CD1D: variants seen among roughly 807,000 people sequenced by gnomAD.
CD1D encodes CD1d molecule, also known as antigen-presenting glycoprotein CD1d.
A neutral mutation model predicts 42.1 loss-of-function variants in CD1D; 40 were observed. The observed-to-expected ratio is 0.95, with a 90% CI of 0.74 to 1.24. The LOEUF (loss-of-function observed/expected upper bound fraction) is 1.24. Ranked by LOEUF, CD1D falls within the 50% of genes most tolerant of loss-of-function variation. CD1D has a pLI of 0.00. For missense variants in CD1D, 437 were observed against 416.5 expected, an observed-to-expected ratio of 1.05 and a Z score of -0.43; for synonymous variants, 178 against 171.8, an observed-to-expected ratio of 1.04 and a Z score of -0.28.
chr1:158,179,577 A>G (rs1006293612), upstream of CD1D, among the ~76,000 whole-genome samples: 16 of 152,214 alleles, frequency 1.1e-4, no homozygotes, highest in Non-Finnish European at 2.4e-4. Flanking sequence ...ACATGCTGAG[A>G]GGATGGCTTC....
rs1391043535 is a variant in CD1D, at chr1:158,184,362, C to T, written c.*212C>T. The T allele has an allele frequency of 6.6e-6, 4 of 602,364 alleles. No individual in the cohort carries two copies. The highest frequency in any genetic ancestry group is 1.2e-5 in the Non-Finnish European group (4 of 342,716). The allele number at this position is 602,364 out of a possible 1,614,324, so 37.3% of individuals were successfully genotyped here. On this transcript the variant is annotated 3_prime_UTR_variant, in exon 6 of 6. Transcript: ENST00000674085. ...TTTAAATTCTTTTTCAAAAATTACA[C>T]TACAAGTTTATAAGCCCAAATGGCT...
chr1:158,183,309 C>A (rs1485346199), intron 4 of CD1D, among the ~76,000 whole-genome samples, 153 bp downstream of exon 4: 1 of 151,212 alleles, frequency 6.6e-6, no homozygotes, highest in East Asian at 2.0e-4. Context: ...GGGTTCCAGA[C>A]ACAGGAAGGA....
rs1648370955 is a variant in CD1D at position 158,181,053 on chromosome 1, CAGAGGGCGGCGCGCAGCGG to C, written c.-48_-30del. The C allele has an allele frequency of 1.5e-5, 23 of 1,499,588 alleles. No individual in the cohort carries two copies. The East Asian group carries it at 5.4e-4, about 35-fold the overall frequency. The allele number at this position is 1,499,588 out of a possible 1,614,324, so 92.9% of individuals were successfully genotyped here. A position where few individuals can be genotyped will look rare whatever the true frequency, so the allele number is the denominator to read the frequency against. On this transcript the variant is annotated 5_prime_UTR_variant, in exon 1 of 6. Transcript: ENST00000674085. ...CGGCGGGGGAGAAGAGTGCGCAGGT[CAGAGGGCGGCGCGCAGCGG>C]CGCTCCGCGAGGTCCCCACGCCGGG...
At chr1:158,180,322 A>G (rs958893834), upstream of CD1D, among the ~76,000 whole-genome samples, 13 of 152,250 alleles carry the variant, frequency 8.5e-5, no homozygotes, top group Non-Finnish European at 1.6e-4. Context: ...CCAGAGGAGA[A>G]GGTATGCCGG....
upstream of CD1D, among the ~76,000 whole-genome samples, chr1:158,179,262 CTTAT>C (rs1490707857): frequency 1.3e-5 from 2 of 152,178 alleles, no homozygotes; most frequent in Admixed American, 6.5e-5. Flanking sequence ...AATTTAACAC[CTTAT>C]TTGTTACAAG....
chr1:158,181,865 C>T, intron 2 of CD1D, 144 bp downstream of exon 2: 4 of 1,353,362 alleles, frequency 3.0e-6, no homozygotes, highest in Non-Finnish European at 3.1e-6. Context: ...GGAGATGTCC[C>T]AGGCTTTGAC....
intron 3 of CD1D, 103 bp downstream of exon 3, chr1:158,182,413 C>T: frequency 7.6e-7 from 1 of 1,319,504 alleles, no homozygotes. Context: ...AAGAGGAAGG[C>T]CCAGGAGGGG....
rs753014071 is a variant in CD1D at position 158,182,957 on chromosome 1, C to T, written c.687C>T (p.Phe229=). 9.3e-6 allele frequency: 15 copies of T among 1,614,182 alleles called. No individual in the cohort carries two copies. Among genetic ancestry groups the T allele is most frequent in the Non-Finnish European group, 1.2e-5 (14 of 1,180,028 alleles). ...RLLLVCHVSG[F]YPKPVWVKWM... is the part of the protein sequence containing the mutation. ...TGCTGGTGTGCCATGTCTCAGGATT[C>T]TACCCAAAGCCTGTATGGGTGAAGT... The change falls in exon 4 of 6, where the codon TTC becomes TTT. Residue 229 remains phenylalanine, a synonymous_variant. Transcript: ENST00000674085.
chr1:158,181,453 A>T lies in CD1D; in HGVS notation c.62-2A>T. Reference sequence around the variant, plus strand: ...ACGCCTCCAATCTTCATTCTCTCCCAGTCCCGCAAAGGCTTTTCCCCCTCC... The same window carrying T: ...ACGCCTCCAATCTTCATTCTCTCCCTGTCCCGCAAAGGCTTTTCCCCCTCC... On this transcript the variant is annotated splice_acceptor_variant, in intron 1 of 5. Coordinates refer to ENST00000674085, the MANE Select transcript of CD1D (RefSeq NM_001371762.2). LOFTEE classifies it high-confidence loss of function. 1 of 1,613,594 alleles carries T rather than the reference A, an allele frequency of 6.2e-7. No individual in the cohort carries two copies. The highest frequency in any genetic ancestry group is 8.5e-7 in the Non-Finnish European group (1 of 1,179,670).
rs1196616386 is a variant in CD1D, at chr1:158,182,261, A to G, written c.558A>G (p.Gln186=). 6.2e-7 allele frequency: 1 copy of G among 1,613,962 alleles called. No individual in the cohort carries two copies. Among genetic ancestry groups the G allele is most frequent in the Non-Finnish European group, 8.5e-7 (1 of 1,180,010 alleles). ...VQWLLNGTCP[Q]FVSGLLESGK... is the part of the protein sequence containing the mutation. ...GGCTCCTTAATGGCACCTGCCCCCA[A>G]TTTGTCAGTGGCCTCCTTGAGTCAG... The change falls in exon 3 of 6, where the codon CAA becomes CAG. Residue 186 remains glutamine, a synonymous_variant. Transcript: ENST00000674085.
upstream of CD1D, among the ~76,000 whole-genome samples, chr1:158,178,839 G>A (rs188623661): frequency 1.6e-4 from 24 of 152,186 alleles, no homozygotes; most frequent in African/African-American, 5.3e-4. Context: ...ATTGCAAAAC[G>A]TTTCATAATT....
chr1:158,183,955 G>A lies in CD1D; in HGVS notation c.906G>A (p.Met302Ile), dbSNP rs760036601. 6 of 1,614,020 alleles carry A rather than the reference G, an allele frequency of 3.7e-6. No homozygotes were observed. The Admixed American group carries it at 1.0e-4, about 27-fold the overall frequency. ...GAGCAGGTGGGAGCTACACCTCCAT[G>A]GGCTTGATTGCCTTGGCAGTCCTGG... ...VLYWGGSYTS[M>I]GLIALAVLAC... The change falls in exon 5 of 6, where the codon ATG becomes ATA. Residue 302 changes from methionine to isoleucine, a missense_variant. By Grantham distance (10) the Met-to-Ile change is conservative. Coordinates refer to ENST00000674085, the MANE Select transcript of CD1D (RefSeq NM_001371762.2).
At position 158,183,077 on chromosome 1, in the gene CD1D, G is replaced by C. The variant is rs777129936; in HGVS notation, c.807G>C (p.Val269=). 1.4e-5 allele frequency: 22 copies of C among 1,614,190 alleles called. No individual in the cohort carries two copies. The highest frequency in any genetic ancestry group is 1.9e-5 in the Non-Finnish European group (22 of 1,180,024). The change falls in exon 4 of 6, where the codon GTG becomes GTC. Residue 269 remains valine, a synonymous_variant. Transcript: ENST00000674085. The stretch of plus-strand genomic sequence containing the variant: ...GGTATCTCCGAGCAACCCTGGATGT[G>C]GTGGCTGGGGAGGCAGCTGGCCTGT... ...ETWYLRATLD[V]VAGEAAGLSC... is the part of the protein sequence containing the mutation.
intron 1 of CD1D, 61 bp downstream of exon 1, chr1:158,181,223 G>T: frequency 6.6e-7 from 1 of 1,521,770 alleles, no homozygotes. Flanking sequence ...GAGCTGGGTA[G>T]GGACGGGGAG....
rs557673472 is a variant in CD1D at position 158,183,929 on chromosome 1, A to G, written c.887-7A>G. ...GCTGAGAGACAGCCTATGTTCCTCCAGAGCAGGTGGGAGCTACACCTCCAT... is the reference window on the plus strand; with the variant it reads ...GCTGAGAGACAGCCTATGTTCCTCCGGAGCAGGTGGGAGCTACACCTCCAT... On this transcript the variant is annotated splice_region_variant and splice_polypyrimidine_tract_variant and intron_variant, in intron 4 of 5. Coordinates refer to ENST00000674085, the MANE Select transcript of CD1D (RefSeq NM_001371762.2). 8.1e-6 allele frequency: 13 copies of G among 1,612,232 alleles called. No homozygotes were observed. The South Asian group carries it at 1.4e-4, about 18-fold the overall frequency.
In CD1D at chr1:158,186,305, C is replaced by T. The variant is rs780009414; in HGVS notation, c.*2155C>T. Among the ~76,000 whole-genome samples, 3 of 152,098 alleles carry T rather than the reference C, an allele frequency of 2.0e-5. No homozygotes were observed. Among genetic ancestry groups the T allele is most frequent in the African/African-American group, 7.2e-5 (3 of 41,410 alleles). ...ACTGGCCTTCTGCATTCTGAGGGCA[C>T]GTGTGTTAAAGTCTCTACTGATGTC... On this transcript the variant is annotated 3_prime_UTR_variant, in exon 6 of 6. Transcript: ENST00000674085.
Position 158,182,186 on chromosome 1 carries a change from G to A in CD1D, c.483G>A (p.Leu161=), listed in dbSNP as rs747001991. The part of the protein sequence containing the change: ...PTQEAPLWVN[L]AIQVLNQDKW... ...AAGAGGCCCCACTTTGGGTAAACTT[G>A]GCCATTCAAGTGCTCAACCAGGACA... The change falls in exon 3 of 6, where the codon TTG becomes TTA. Residue 161 remains leucine, a synonymous_variant. Coordinates refer to ENST00000674085, the MANE Select transcript of CD1D (RefSeq NM_001371762.2). 6.2e-7 allele frequency: 1 copy of A among 1,614,118 alleles called. No homozygotes were observed. Among genetic ancestry groups the A allele is most frequent in the Non-Finnish European group, 8.5e-7 (1 of 1,180,018 alleles).
At chr1:158,178,663 C>T (rs892342643), upstream of CD1D, among the ~76,000 whole-genome samples, 1 of 152,158 alleles carries the variant, frequency 6.6e-6, no homozygotes, top group African/African-American at 2.4e-5. Context: ...AACCACTACC[C>T]TAACTCTGTT....
rs2101585018 is a variant in CD1D at position 158,185,378 on chromosome 1, G to A, written c.*1228G>A. On this transcript the variant is annotated 3_prime_UTR_variant, in exon 6 of 6. Coordinates refer to ENST00000674085, the MANE Select transcript of CD1D (RefSeq NM_001371762.2). ...AGACTTGCACATATGAATTTAGGATGTGCGTGAAGATTCTGCTAGCTTCAA... is the reference window on the plus strand; with the variant it reads ...AGACTTGCACATATGAATTTAGGATATGCGTGAAGATTCTGCTAGCTTCAA... Among the ~76,000 whole-genome samples, 1 of 152,286 alleles carries A rather than the reference G, an allele frequency of 6.6e-6. No individual in the cohort carries two copies. Among genetic ancestry groups the A allele is most frequent in the East Asian group, 1.9e-4 (1 of 5,176 alleles).
Sources: gnomAD v4.1 joint callset for allele counts (sites outside exome capture counted in the v4.1 genomes callset) on GRCh38, gnomAD v4.1.1 for gene constraint, MANE v1.5 for transcripts, NCBI Gene and HGNC (gene_info 2026-07-23, HGNC 2026-07-21) for gene names.